SYT10: variants seen among roughly 807,000 people sequenced by gnomAD.
The protein encoded by SYT10 is synaptotagmin-10.
A neutral mutation model predicts 51.1 loss-of-function variants in SYT10; 31 were observed. That is an observed-to-expected ratio of 0.61 (90% CI 0.46 to 0.82). The LOEUF (loss-of-function observed/expected upper bound fraction) is 0.82, where lower values mean the gene tolerates loss of function less well. Among genes scored for constraint, SYT10 ranks in the 40% least tolerant of loss-of-function variants. The probability of loss-of-function intolerance (pLI) is 0.00; values close to 1 mark genes in which losing one functional copy is unlikely to be tolerated. For synonymous variants in SYT10, 233 were observed against 225.9 expected (o/e 1.03, Z -0.28); for missense variants, 603 against 634.0 (o/e 0.95, Z 0.53).
intron 3 of SYT10, among the ~76,000 whole-genome samples, chr12:33,389,266 A>G (rs1472340343): frequency 2.6e-5 from 4 of 152,180 alleles, no homozygotes; most frequent in Admixed American, 2.6e-4. Flanking sequence ...GAAAGGGCGT[A>G]GGTTCCTGGG....
chr12:33,437,024 G>A (rs1866643098), intron 1 of SYT10, among the ~76,000 whole-genome samples: 1 of 152,192 alleles, frequency 6.6e-6, no homozygotes, highest in Admixed American at 6.5e-5. Flanking sequence ...ACAGTGTGAC[G>A]CTGGGTGGCT....
intron 3 of SYT10, among the ~76,000 whole-genome samples, chr12:33,387,052 T>C (rs546796372): frequency 5.3e-5 from 8 of 152,130 alleles, no homozygotes; most frequent in Non-Finnish European, 1.0e-4. Flanking sequence ...GGTAAGAAAT[T>C]TGTGGCAGGT....
chr12:33,385,274 A>C lies in SYT10; in HGVS notation c.1095T>G (p.Gly365=), dbSNP rs1866148006. Residue 365 remains glycine (G), a synonymous_variant, in exon 4 of 7, where the codon GGT becomes GGG. Coordinates refer to ENST00000228567, the MANE Select transcript of SYT10 (RefSeq NM_198992.4). ...HCATTESIDL[G]EIMFSLCYLP... ...GGTAACAAAGGGAAAACATGATTTC[A>C]CCCAGGTCTATACTTTCCTAGAAAG... is the stretch of plus-strand genomic sequence containing the variant. 1 of 1,613,620 alleles carries C rather than the reference A, an allele frequency of 6.2e-7. No homozygotes were observed. Among genetic ancestry groups the C allele is most frequent in the Non-Finnish European group, 8.5e-7 (1 of 1,179,712 alleles).
intron 2 of SYT10, among the ~76,000 whole-genome samples, chr12:33,419,871 T>TA (rs1301364225): frequency 6.6e-6 from 1 of 152,172 alleles, no homozygotes; most frequent in Non-Finnish European, 1.5e-5. Flanking sequence ...CCTTAAACAT[T>TA]AAAAAATTCT....
At chr12:33,429,681 T>C (rs1401310536) in intron 1 of SYT10, among the ~76,000 whole-genome samples, 1 of 152,168 alleles carries the variant, frequency 6.6e-6, no homozygotes, top group Non-Finnish European at 1.5e-5. Context: ...TCATACTTAC[T>C]GAAAGAAAAT....
At chr12:33,426,630 G>A (rs1194155347) in intron 1 of SYT10, 135 bp from the exon 2 acceptor site, 2 of 846,596 alleles carry the variant, frequency 2.4e-6, no homozygotes, top group Admixed American at 7.0e-5. Context: ...AGTTATCTTT[G>A]TAGGAAGAAA....
intron 3 of SYT10, among the ~76,000 whole-genome samples, chr12:33,395,832 G>A (rs1866251095): frequency 6.6e-6 from 1 of 151,524 alleles, no homozygotes; most frequent in African/African-American, 2.4e-5. Context: ...AATTCTGTAA[G>A]CCAATAGTTG....
chr12:33,437,238 G>C (rs1320555676), intron 1 of SYT10, among the ~76,000 whole-genome samples: 1 of 152,170 alleles, frequency 6.6e-6, no homozygotes, highest in Non-Finnish European at 1.5e-5. Flanking sequence ...CAATAAATAT[G>C]TGTGTTCCTA....
chr12:33,419,986 C>T (rs541841461), intron 2 of SYT10, among the ~76,000 whole-genome samples: 6 of 152,250 alleles, frequency 3.9e-5, no homozygotes, highest in African/African-American at 1.2e-4. Flanking sequence ...TCTCTATGCT[C>T]AGTGTGCAAT....
chr12:33,383,760 G>C (rs773936825), intron 4 of SYT10, among the ~76,000 whole-genome samples: 7 of 151,986 alleles, frequency 4.6e-5, no homozygotes, highest in Admixed American at 6.6e-5. Context: ...TGGGTCTTTG[G>C]TTGATTCACA....
intron 1 of SYT10, among the ~76,000 whole-genome samples, chr12:33,437,029 G>A (rs1866643125): frequency 6.6e-6 from 1 of 152,156 alleles, no homozygotes; most frequent in Non-Finnish European, 1.5e-5. Flanking sequence ...GTGACGCTGG[G>A]TGGCTAAGAA....
chr12:33,427,745 C>T (rs1169630165), intron 1 of SYT10, among the ~76,000 whole-genome samples: 1 of 151,994 alleles, frequency 6.6e-6, no homozygotes, highest in Non-Finnish European at 1.5e-5. Flanking sequence ...ATTTTTCTCC[C>T]AATAACAAGC....
At chr12:33,387,605 T>C (rs1045802364) in intron 3 of SYT10, among the ~76,000 whole-genome samples, 3 of 152,194 alleles carry the variant, frequency 2.0e-5, no homozygotes, top group Admixed American at 2.0e-4. Flanking sequence ...AAGAAAGGTA[T>C]ATCCAACTGG....
chr12:33,434,754 G>C (rs1169665829), intron 1 of SYT10, among the ~76,000 whole-genome samples: 1 of 152,150 alleles, frequency 6.6e-6, no homozygotes, highest in Admixed American at 6.5e-5. Flanking sequence ...GTGATGAGCT[G>C]AGATCCCGCC....
At chr12:33,410,112 C>G (rs1221895550) in intron 2 of SYT10, among the ~76,000 whole-genome samples, 1 of 152,194 alleles carries the variant, frequency 6.6e-6, no homozygotes, top group Non-Finnish European at 1.5e-5. Flanking sequence ...AGTCTAGCAT[C>G]TCACTTGAGG....
At chr12:33,434,183 C>T (rs1347361808) in intron 1 of SYT10, among the ~76,000 whole-genome samples, 1 of 152,136 alleles carries the variant, frequency 6.6e-6, no homozygotes, top group Non-Finnish European at 1.5e-5. Flanking sequence ...CAAATTTAGC[C>T]ATGGAATTAC....
In SYT10 at chr12:33,426,436, C is replaced by A; in HGVS notation, c.211G>T (p.Val71Phe). 1 of 1,613,486 alleles carries A rather than the reference C, an allele frequency of 6.2e-7. No individual in the cohort carries two copies. The highest frequency in any genetic ancestry group is 1.1e-5 in the South Asian group (1 of 90,912). The stretch of plus-strand genomic sequence containing the variant: ...AGCTTCCAGAAGACAAAAAGTGAGA[C>A]AACCAACAAGGCCAGTCCACAAAAG... Reference protein sequence around the residue: ...VSFCGLALLVVSLFVFWKLCW... With the variant: ...VSFCGLALLVFSLFVFWKLCW... Residue 71 changes from valine (V) to phenylalanine (F), a missense_variant, in exon 2 of 7, where the codon GTC becomes TTC. Val to Phe is a conservative substitution (Grantham distance 50). Coordinates refer to ENST00000228567, the MANE Select transcript of SYT10 (RefSeq NM_198992.4).
intron 1 of SYT10, among the ~76,000 whole-genome samples, chr12:33,436,215 T>C (rs913256949): frequency 4.6e-5 from 7 of 152,312 alleles, no homozygotes; most frequent in Middle Eastern, 3.4e-3. Flanking sequence ...ATTATATATA[T>C]TCAGTCACAG....
intron 3 of SYT10, 71 bp downstream of exon 3, chr12:33,406,718 T>A: frequency 7.8e-7 from 1 of 1,274,516 alleles, no homozygotes; most frequent in Non-Finnish European, 1.1e-6. Context: ...TTCCGATAAT[T>A]TGGGTAATAA....
Sources: allele counts gnomAD v4.1 joint callset (sites outside exome capture counted in the v4.1 genomes callset), GRCh38; gene constraint gnomAD v4.1.1; transcripts MANE v1.5; gene names NCBI Gene and HGNC (gene_info 2026-07-23, HGNC 2026-07-21).